Variants in ME1 observed in about 807,000 individuals in gnomAD.
ME1 encodes the protein NADP-dependent malic enzyme.
ME1 carries 74 observed loss-of-function variants against 66.4 expected under a neutral mutation model. The ratio of observed to expected loss-of-function variants is 1.11; its 90% CI spans 0.92 to 1.35. The LOEUF (loss-of-function observed/expected upper bound fraction) is 1.35. ME1 is among the 40% of genes most tolerant of loss of function. The pLI, the probability that ME1 is intolerant of heterozygous loss-of-function variation, is 0.00. For missense variants in ME1, 750 were observed against 694.1 expected, an observed-to-expected ratio of 1.08 and a Z score of -0.90; for synonymous variants, 251 against 235.6, an observed-to-expected ratio of 1.07 and a Z score of -0.60.
At chr6:83,423,491 G>A (rs1770310936) in intron 1 of ME1, among the ~76,000 whole-genome samples, 1 of 151,164 alleles carries the variant, frequency 6.6e-6, no homozygotes, top group African/African-American at 2.5e-5. Flanking sequence ...TTTAAAATAT[G>A]TGTGACAGTT....
At chr6:83,235,214 T>C (rs1219566303) in intron 9 of ME1, among the ~76,000 whole-genome samples, 1 of 152,216 alleles carries the variant, frequency 6.6e-6, no homozygotes, top group Non-Finnish European at 1.5e-5. Context: ...TCATCTCCTG[T>C]GCACCTTGAC....
intron 1 of ME1, among the ~76,000 whole-genome samples, chr6:83,412,488 A>C (rs2128552557): frequency 6.6e-6 from 1 of 152,346 alleles, no homozygotes; most frequent in African/African-American, 2.4e-5. Flanking sequence ...AATTAATTAT[A>C]CTTGTTATAG....
rs1562447126 is a variant in ME1 at position 83,211,011 on chromosome 6, A to G, written c.*913T>C. Reference sequence around the variant, plus strand: ...TAATTAAGAGGCCATTCTGGCAGGTAACTCCAGTAGGAACCTAACTTGTTG... The same window carrying G: ...TAATTAAGAGGCCATTCTGGCAGGTGACTCCAGTAGGAACCTAACTTGTTG... On this transcript the variant is annotated 3_prime_UTR_variant, in exon 14 of 14. Transcript: ENST00000369705. 1 of 152,232 alleles carries G rather than the reference A, an allele frequency of 6.6e-6. No homozygotes were observed. The highest frequency in any genetic ancestry group is 1.5e-5 in the Non-Finnish European group (1 of 68,032). 9.4% of individuals were successfully genotyped at this position (152,232 alleles called of 1,614,324 possible). A position where few individuals can be genotyped will look rare whatever the true frequency, so the allele number is the denominator to read the frequency against.
intron 6 of ME1, among the ~76,000 whole-genome samples, chr6:83,287,219 T>C (rs886832510): frequency 6.6e-6 from 1 of 152,300 alleles, no homozygotes; most frequent in South Asian, 2.1e-4. Flanking sequence ...TTTTGTTACA[T>C]AGGTATACAC....
intron 5 of ME1, among the ~76,000 whole-genome samples, chr6:83,319,431 G>A (rs1168882288): frequency 6.6e-6 from 1 of 152,110 alleles, no homozygotes; most frequent in African/African-American, 2.4e-5. Flanking sequence ...TGAAAGAATT[G>A]TGAATGGAGC....
At chr6:83,386,014 T>C (rs1018106462) in intron 3 of ME1, among the ~76,000 whole-genome samples, 9 of 151,926 alleles carry the variant, frequency 5.9e-5, no homozygotes, top group African/African-American at 1.9e-4. Flanking sequence ...AGACATTCCA[T>C]CTGACTTGTT....
intron 1 of ME1, among the ~76,000 whole-genome samples, chr6:83,427,504 A>G (rs1042735799): frequency 4.6e-5 from 7 of 152,196 alleles, no homozygotes; most frequent in African/African-American, 1.7e-4. Flanking sequence ...GAAGTGAACT[A>G]AACTTTAGAC....
intron 6 of ME1, among the ~76,000 whole-genome samples, chr6:83,255,088 C>T (rs1766740366): frequency 6.6e-6 from 1 of 152,022 alleles, no homozygotes; most frequent in Non-Finnish European, 1.5e-5. Flanking sequence ...TATATAATTA[C>T]ATATTTATCT....
intron 9 of ME1, among the ~76,000 whole-genome samples, chr6:83,232,671 T>A (rs187566142): frequency 6.6e-6 from 1 of 152,316 alleles, no homozygotes; most frequent in East Asian, 1.9e-4. Flanking sequence ...CCACATTGTA[T>A]GAAATGTATT....
intron 3 of ME1, among the ~76,000 whole-genome samples, chr6:83,354,588 C>T (rs1018916077): frequency 6.6e-6 from 1 of 152,144 alleles, no homozygotes; most frequent in Non-Finnish European, 1.5e-5. Flanking sequence ...TCAGACAGGC[C>T]TTCTCTGATA....
chr6:83,427,779 G>A (rs1336287587), intron 1 of ME1, among the ~76,000 whole-genome samples: 4 of 152,122 alleles, frequency 2.6e-5, no homozygotes, highest in Non-Finnish European at 5.9e-5. Flanking sequence ...TTGGGAGGCC[G>A]AGGCGGGCAG....
chr6:83,239,557 T>C lies in ME1; in HGVS notation c.894A>G (p.Leu298=), dbSNP rs372257465. The part of the protein sequence containing the change: ...TKNKLSDQTI[L]FQGAGEAALG... Reference sequence around the variant, plus strand: ...CAAATACCTCTCCAGCTCCTTGGAATAGTATTGTTTGATCAGACAGTTTGT... The same window carrying C: ...CAAATACCTCTCCAGCTCCTTGGAACAGTATTGTTTGATCAGACAGTTTGT... The change falls in exon 8 of 14, where the codon CTA becomes CTG. Residue 298 remains leucine, a synonymous_variant. Transcript: ENST00000369705. 88 of 1,612,534 alleles carry C rather than the reference T, an allele frequency of 5.5e-5. No individual in the cohort carries two copies. Among genetic ancestry groups the C allele is most frequent in the Non-Finnish European group, 6.9e-5 (81 of 1,178,792 alleles).
chr6:83,387,000 T>C (rs1345086127), intron 3 of ME1, among the ~76,000 whole-genome samples: 2 of 151,244 alleles, frequency 1.3e-5, no homozygotes, highest in East Asian at 3.9e-4. Flanking sequence ...TAGTTTATCA[T>C]AGCAGCCCAA....
At chr6:83,240,168 T>A (rs904224235) in intron 7 of ME1, among the ~76,000 whole-genome samples, 1 of 151,946 alleles carries the variant, frequency 6.6e-6, no homozygotes, top group African/African-American at 2.4e-5. Context: ...ACAAAGAAAC[T>A]CTTCTTCACA....
At chr6:83,289,335 GTTTA>G (rs1767455933) in intron 6 of ME1, among the ~76,000 whole-genome samples, 1 of 152,150 alleles carries the variant, frequency 6.6e-6, no homozygotes, top group African/African-American at 2.4e-5. Context: ...TCAATATCTA[GTTTA>G]TTGAGAGTTT....
intron 6 of ME1, among the ~76,000 whole-genome samples, chr6:83,265,034 AACTCCATT>A (rs1351728830): frequency 2.0e-5 from 3 of 152,062 alleles, no homozygotes; most frequent in Non-Finnish European, 2.9e-5. Flanking sequence ...TGATGTTGCA[AACTCCATT>A]ACTGTCCTAT....
chr6:83,395,764 G>A (rs1399173050), intron 3 of ME1, among the ~76,000 whole-genome samples: 1 of 151,674 alleles, frequency 6.6e-6, no homozygotes, highest in Non-Finnish European at 1.5e-5. Context: ...ATGAGCCACT[G>A]TGCCTGGCCA....
intron 1 of ME1, among the ~76,000 whole-genome samples, chr6:83,427,691 A>G (rs952802301): frequency 2.3e-4 from 35 of 152,276 alleles, no homozygotes; most frequent in African/African-American, 8.2e-4. Flanking sequence ...CTCCTGCCCT[A>G]TGACAATCAA....
At chr6:83,276,458 G>T (rs868401019) in intron 6 of ME1, among the ~76,000 whole-genome samples, 2 of 152,130 alleles carry the variant, frequency 1.3e-5, no homozygotes, top group South Asian at 2.1e-4. Context: ...AGCCAGCAAA[G>T]ACCTCCACAT....
Sources: allele counts gnomAD v4.1 joint callset (sites outside exome capture counted in the v4.1 genomes callset), GRCh38; gene constraint gnomAD v4.1.1; transcripts MANE v1.5; gene names NCBI Gene and HGNC (gene_info 2026-07-23, HGNC 2026-07-21).